Variants in DPF3 observed in about 807,000 individuals in gnomAD.
The protein encoded by DPF3 is zinc finger protein DPF3.
DPF3 carries 18 observed loss-of-function variants against 56.8 expected under a neutral mutation model. The observed-to-expected ratio is 0.32, with a 90% CI of 0.22 to 0.47. The LOEUF is 0.47. Among genes scored for constraint, DPF3 ranks in the 20% least tolerant of loss-of-function variants. The pLI, the probability that DPF3 is intolerant of heterozygous loss-of-function variation, is 1.00. For synonymous variants in DPF3, 188 were observed against 180.2 expected (o/e 1.04, Z -0.35); for missense variants, 403 against 488.8 (o/e 0.82, Z 1.65).
intron 7 of DPF3, among the ~76,000 whole-genome samples, chr14:72,680,706 C>A (rs1232588391): frequency 6.6e-6 from 1 of 152,244 alleles, no homozygotes; most frequent in East Asian, 1.9e-4. Flanking sequence ...AGAAGATGAG[C>A]TGGAATGGCA....
At chr14:72,645,941 T>C (rs1885711052) in intron 8 of DPF3, among the ~76,000 whole-genome samples, 1 of 152,174 alleles carries the variant, frequency 6.6e-6, no homozygotes. Context: ...CATCGACCAC[T>C]TGCATGAGCA....
intron 8 of DPF3, 99 bp downstream of exon 8, chr14:72,674,141 G>A: frequency 3.5e-6 from 5 of 1,429,980 alleles, no homozygotes; most frequent in South Asian, 1.5e-5. Flanking sequence ...TGCCACCATC[G>A]CTTCCCTCTC....
intron 8 of DPF3, among the ~76,000 whole-genome samples, chr14:72,651,735 C>T (rs563870151): frequency 7.9e-5 from 12 of 152,264 alleles, no homozygotes; most frequent in African/African-American, 2.6e-4. Flanking sequence ...GGAGAGGAAA[C>T]GTGTCCTGCC....
chr14:72,792,682 ACAGAC>A (rs1275125404), intron 1 of DPF3, among the ~76,000 whole-genome samples: 6 of 151,898 alleles, frequency 4.0e-5, no homozygotes, highest in Admixed American at 3.9e-4. Context: ...GCCTGCTCCT[ACAGAC>A]CATTTCACCC....
intron 1 of DPF3, among the ~76,000 whole-genome samples, chr14:72,861,743 G>GAAAGAC (rs1480375834): frequency 8.8e-6 from 1 of 114,022 alleles, no homozygotes. Flanking sequence ...GAAAGAGAAA[G>GAAAGAC]AAAGAAAGAA....
chr14:72,672,876 C>T (rs1886751547), intron 8 of DPF3, among the ~76,000 whole-genome samples: 2 of 152,068 alleles, frequency 1.3e-5, no homozygotes, highest in East Asian at 3.8e-4. Flanking sequence ...CATCTGATTG[C>T]TTGCTTTTAA....
At chr14:72,785,186 A>C (rs1450679651) in intron 1 of DPF3, among the ~76,000 whole-genome samples, 1 of 152,232 alleles carries the variant, frequency 6.6e-6, no homozygotes, top group African/African-American at 2.4e-5. Flanking sequence ...TATTTACAGA[A>C]GGATAACAGG....
intron 1 of DPF3, among the ~76,000 whole-genome samples, chr14:72,830,943 T>C (rs1043492890): frequency 3.9e-5 from 6 of 152,200 alleles, no homozygotes; most frequent in African/African-American, 1.2e-4. Flanking sequence ...CTCGGGCCTC[T>C]GCCCTGGGCT....
At chr14:72,688,722 A>C (rs563158992) in intron 7 of DPF3, among the ~76,000 whole-genome samples, 168 of 152,276 alleles carry the variant, frequency 1.1e-3, no homozygotes, top group African/African-American at 3.9e-3. Context: ...GTGTGTGTAC[A>C]TATGCATGTG....
At chr14:72,871,331 T>A (rs1433983967) in intron 1 of DPF3, among the ~76,000 whole-genome samples, 1 of 152,182 alleles carries the variant, frequency 6.6e-6, no homozygotes, top group Non-Finnish European at 1.5e-5. Flanking sequence ...AAAGTCTTAA[T>A]TCATTTCAGC....
chr14:72,748,563 C>T (rs542708143), intron 3 of DPF3, among the ~76,000 whole-genome samples: 1 of 152,264 alleles, frequency 6.6e-6, no homozygotes, highest in East Asian at 1.9e-4. Context: ...ATCCCCAAGA[C>T]AAAGGGGAAA....
chr14:72,691,269 A>C (rs915112810), intron 7 of DPF3, among the ~76,000 whole-genome samples: 6 of 152,206 alleles, frequency 3.9e-5, no homozygotes, highest in African/African-American at 1.4e-4. Flanking sequence ...GCTGAATTGC[A>C]TCCCCTCCCC....
Position 72,846,485 on chromosome 14 carries a change from G to A in DPF3, c.32+47572C>T, listed in dbSNP as rs562722758. ...GGAGTAGCTGGGACTACAGGCGCCC[G>A]CCACCACGCCCGGCTAATTTTTTTG... is the stretch of plus-strand genomic sequence containing the variant. On this transcript the variant is annotated intron_variant, in intron 1 of 10. Transcript: ENST00000556509. 6.6e-5 allele frequency among the ~76,000 whole-genome samples: 10 copies of A among 152,036 alleles called. No individual in the cohort carries two copies. The South Asian group carries it at 1.0e-3, about 16-fold the overall frequency.
chr14:72,771,709 T>A (rs777357938), intron 2 of DPF3, 24 bp downstream of exon 2: 7 of 1,599,312 alleles, frequency 4.4e-6, no homozygotes, highest in Admixed American at 1.7e-5. Context: ...CACATGCGCA[T>A]GTCCCAGGAG....
intron 2 of DPF3, among the ~76,000 whole-genome samples, chr14:72,755,839 CCCT>C (rs1890766152): frequency 6.6e-6 from 1 of 152,176 alleles, no homozygotes; most frequent in Non-Finnish European, 1.5e-5. Flanking sequence ...CCCTTCCTTG[CCCT>C]CCTCAACAGG....
intron 8 of DPF3, chr14:72,670,842 G>A (rs1294654863): frequency 1.2e-5 from 14 of 1,146,816 alleles, no homozygotes; most frequent in East Asian, 1.2e-4. Flanking sequence ...GAGACAATCC[G>A]TCTAACTTCC....
At chr14:72,755,918 G>A (rs952821733) in intron 2 of DPF3, among the ~76,000 whole-genome samples, 1 of 152,190 alleles carries the variant, frequency 6.6e-6, no homozygotes, top group South Asian at 2.1e-4. Flanking sequence ...CTTACAGAGG[G>A]AAGAGCAGGG....
chr14:72,866,861 G>A lies in DPF3; in HGVS notation c.32+27196C>T, dbSNP rs748661092. Among the ~76,000 whole-genome samples, 17 of 149,940 alleles carry A rather than the reference G, an allele frequency of 1.1e-4. 1 individual carries two copies. Among genetic ancestry groups the A allele is most frequent in the East Asian group, 5.9e-4 (3 of 5,102 alleles). On this transcript the variant is annotated intron_variant, in intron 1 of 10. Transcript: ENST00000556509. ...ACAAGAGCGAAACTCCATCCGACTC[G>A]TGATCCACCCGACTCGGCCTCCCAA...
At chr14:72,650,865 G>C (rs953895746) in intron 8 of DPF3, among the ~76,000 whole-genome samples, 14 of 152,156 alleles carry the variant, frequency 9.2e-5, no homozygotes, top group Non-Finnish European at 2.9e-5. Flanking sequence ...AGACACCCGG[G>C]AACACTGCCT....
Sources: gnomAD v4.1 joint callset for allele counts (sites outside exome capture counted in the v4.1 genomes callset) on GRCh38, gnomAD v4.1.1 for gene constraint, MANE v1.5 for transcripts, NCBI Gene and HGNC (gene_info 2026-07-23, HGNC 2026-07-21) for gene names.